Variants in PPARD observed in about 807,000 individuals in gnomAD.
The protein encoded by PPARD is peroxisome proliferator activated receptor delta.
In PPARD, 6 loss-of-function variants were observed where a neutral mutation model predicts 39.5. The observed-to-expected ratio is 0.15, with a 90% confidence interval of 0.08 to 0.30. The LOEUF is 0.30. PPARD is among the 10% of genes least tolerant of loss of function. The pLI, the probability that PPARD is intolerant of heterozygous loss-of-function variation, is 1.00. For synonymous variants in PPARD, 210 were observed against 231.3 expected, an observed-to-expected ratio of 0.91 and a Z score of 0.83; for missense variants, 397 against 596.8, an observed-to-expected ratio of 0.67 and a Z score of 3.49.
chr6:35,379,099 T>C (rs1178370001), intron 2 of PPARD, among the ~76,000 whole-genome samples: 2 of 150,446 alleles, frequency 1.3e-5, no homozygotes, highest in Non-Finnish European at 3.0e-5. Flanking sequence ...TTTCTTTCTT[T>C]TTTTTTTTTT....
At chr6:35,395,620 TG>T (rs1044366455) in intron 2 of PPARD, among the ~76,000 whole-genome samples, 1 of 152,118 alleles carries the variant, frequency 6.6e-6, no homozygotes, top group African/African-American at 2.4e-5. Context: ...GAGGAAAAGG[TG>T]CAGGCCAAGA....
chr6:35,355,446 G>C (rs190906782), intron 2 of PPARD, among the ~76,000 whole-genome samples: 6 of 150,908 alleles, frequency 4.0e-5, no homozygotes, highest in Non-Finnish European at 7.4e-5. Context: ...CTACTCCTTG[G>C]GGGGCTGAGG....
chr6:35,424,392 T>C lies in PPARD; in HGVS notation c.691T>C (p.Leu231=), dbSNP rs1284364976. ...AGAGAAGGGGCTGGTGTGGAAGCAG[T>C]TGGTGAATGGCCTGCCTCCCTACAA... ...QAEKGLVWKQ[L]VNGLPPYKEI... The change falls in exon 7 of 8, where the codon TTG becomes CTG. Residue 231 remains leucine, a synonymous_variant. Coordinates refer to ENST00000360694, the MANE Select transcript of PPARD (RefSeq NM_006238.5). This position sits in a 1 kb window ranked among gnomAD's most constrained non-coding sequence, Gnocchi z 7.1. The C allele has an allele frequency of 6.2e-7, 1 of 1,613,474 alleles. No homozygotes were observed. The highest frequency in any genetic ancestry group is 8.5e-7 in the Non-Finnish European group (1 of 1,179,756).
Position 35,353,410 on chromosome 6 carries a change from A to G in PPARD, c.-102+6260A>G, listed in dbSNP as rs549445860. ...CCACACAGATTAAGCACCCAGAGCC[A>G]GGGTGGAATAACCCATCCCTACCCC... On this transcript the variant is annotated intron_variant, in intron 2 of 7. Coordinates refer to ENST00000360694, the MANE Select transcript of PPARD (RefSeq NM_006238.5). 9.8e-5 allele frequency among the ~76,000 whole-genome samples: 15 copies of G among 152,376 alleles called. 1 individual carries two copies. In the South Asian group the frequency reaches 2.9e-3, roughly 29 times the overall value.
At chr6:35,381,286 C>T (rs1036392266) in intron 2 of PPARD, among the ~76,000 whole-genome samples, 1 of 152,064 alleles carries the variant, frequency 6.6e-6, no homozygotes, top group Non-Finnish European at 1.5e-5. Context: ...TTACAAAGAC[C>T]AGAGGTTAGA....
chr6:35,354,255 C>T (rs934190944), intron 2 of PPARD, among the ~76,000 whole-genome samples: 12 of 138,716 alleles, frequency 8.7e-5, no homozygotes, highest in South Asian at 2.2e-4. Flanking sequence ...AAAAAAAAAG[C>T]GATACACATT....
chr6:35,386,980 C>G (rs931810777), intron 2 of PPARD, among the ~76,000 whole-genome samples: 19 of 150,072 alleles, frequency 1.3e-4, no homozygotes, highest in Admixed American at 8.6e-4. Context: ...GTGGGGGAAA[C>G]CTGCTTTCCC....
intron 2 of PPARD, among the ~76,000 whole-genome samples, chr6:35,361,065 C>T (rs1761902073): frequency 1.3e-5 from 2 of 152,184 alleles, no homozygotes; most frequent in Admixed American, 1.3e-4. Context: ...TTTGGCTTCT[C>T]AGAGGGGGAT....
At position 35,426,335 on chromosome 6, in the gene PPARD, G is replaced by T; in HGVS notation, c.*256G>T. 1 of 549,482 alleles carries T rather than the reference G, an allele frequency of 1.8e-6. No homozygotes were observed. The highest frequency in any genetic ancestry group is 3.2e-6 in the Non-Finnish European group (1 of 309,944). The allele number at this position is 549,482 out of a possible 1,614,324, so 34.0% of individuals were successfully genotyped here. Reference sequence around the variant, plus strand: ...TTTCTTTTCTAATTCCTGTTGCTCTGTTTCTTCCTTTCTGTAGGTTTCTCT... The same window carrying T: ...TTTCTTTTCTAATTCCTGTTGCTCTTTTTCTTCCTTTCTGTAGGTTTCTCT... On this transcript the variant is annotated 3_prime_UTR_variant, in exon 8 of 8. Transcript: ENST00000360694.
chr6:35,390,479 A>T (rs1763946262), intron 2 of PPARD, among the ~76,000 whole-genome samples: 1 of 152,172 alleles, frequency 6.6e-6, no homozygotes, highest in South Asian at 2.1e-4. Flanking sequence ...GGCCATCAAG[A>T]TGCTGGTACT....
chr6:35,364,460 A>C (rs1762080815), intron 2 of PPARD, among the ~76,000 whole-genome samples: 3 of 131,914 alleles, frequency 2.3e-5, no homozygotes, highest in South Asian at 2.3e-4. Context: ...TTGAGACGGC[A>C]TCTTGCTCTG....
chr6:35,382,937 A>G (rs2150595038), intron 2 of PPARD, among the ~76,000 whole-genome samples: 1 of 152,274 alleles, frequency 6.6e-6, no homozygotes, highest in South Asian at 2.1e-4. Flanking sequence ...TATTAGTGCT[A>G]CTGGTAGTGC....
chr6:35,394,833 CT>C (rs200951328), intron 2 of PPARD, among the ~76,000 whole-genome samples: 2,278 of 151,806 alleles, frequency 0.015, 37 homozygotes, highest in African/African-American at 0.038. Context: ...GAAATGACCC[CT>C]AAGAGGTAAC....
intron 3 of PPARD, among the ~76,000 whole-genome samples, chr6:35,411,965 G>T (rs891053695): frequency 1.3e-5 from 2 of 152,158 alleles, no homozygotes; most frequent in Admixed American, 1.3e-4. Context: ...GTCTCCTTCT[G>T]TTGCCCAGAC....
chr6:35,419,325 C>T (rs1040792770), intron 3 of PPARD, among the ~76,000 whole-genome samples: 5 of 152,090 alleles, frequency 3.3e-5, no homozygotes, highest in South Asian at 4.2e-4. Flanking sequence ...AGATCATTTC[C>T]GAGTGTCCAA....
At chr6:35,346,808 G>T (rs547640694) in intron 1 of PPARD, among the ~76,000 whole-genome samples, 1 of 152,172 alleles carries the variant, frequency 6.6e-6, no homozygotes, top group South Asian at 2.1e-4. Context: ...CCTTGCCTGC[G>T]CCTTCTGCGC....
intron 2 of PPARD, among the ~76,000 whole-genome samples, chr6:35,376,873 A>G (rs1581574695): frequency 6.6e-6 from 1 of 152,138 alleles, no homozygotes; most frequent in Non-Finnish European, 1.5e-5. Flanking sequence ...ACAAAAAATT[A>G]GCCGGGTGAG....
In PPARD at chr6:35,366,161, TA is replaced by T. The variant is rs1286558151; in HGVS notation, c.-102+19015del. ...CAAATTACCCCAAAACTTAGTAGCT[TA>T]AAACACTATCTCGCAGTTTCTATGG... On this transcript the variant is annotated intron_variant, in intron 2 of 7. Coordinates refer to ENST00000360694, the MANE Select transcript of PPARD (RefSeq NM_006238.5). The surrounding 1 kb of genome is among the most constrained non-coding windows in gnomAD (Gnocchi z 4.6). Among the ~76,000 whole-genome samples, 1 of 151,816 alleles carries T rather than the reference TA, an allele frequency of 6.6e-6. No homozygotes were observed.
At chr6:35,352,685 G>A (rs1371176412) in intron 2 of PPARD, among the ~76,000 whole-genome samples, 1 of 152,194 alleles carries the variant, frequency 6.6e-6, no homozygotes, top group Non-Finnish European at 1.5e-5. Flanking sequence ...GTCATCTGAA[G>A]GCTCAGCTGG....
Sources: allele counts gnomAD v4.1 joint callset (sites outside exome capture counted in the v4.1 genomes callset), GRCh38; gene constraint gnomAD v4.1.1; non-coding constraint Gnocchi (gnomAD v3.1); transcripts MANE v1.5; gene names NCBI Gene and HGNC (gene_info 2026-07-23, HGNC 2026-07-21).